Variants in CCDC171 observed in about 807,000 individuals in gnomAD.
CCDC171 encodes coiled-coil domain containing 171, also known as coiled-coil domain-containing protein 171.
Under a neutral mutation model 168.2 loss-of-function variants are expected in CCDC171, and 177 were observed. The ratio of observed to expected loss-of-function variants is 1.05; its 90% CI spans 0.93 to 1.19. The LOEUF is 1.19. Ranked by LOEUF, CCDC171 falls within the 50% of genes most tolerant of loss-of-function variation. CCDC171 has a pLI of 0.00. For missense variants in CCDC171, 1,991 were observed against 1,539.0 expected, an observed-to-expected ratio of 1.29 and a Z score of -4.91; for synonymous variants, 687 against 540.8, an observed-to-expected ratio of 1.27 and a Z score of -3.75.
chr9:15,582,355 T>C (rs1304244251), intron 4 of CCDC171, among the ~76,000 whole-genome samples: 1 of 152,190 alleles, frequency 6.6e-6, no homozygotes, highest in Non-Finnish European at 1.5e-5. Flanking sequence ...GTTAAACTGT[T>C]GTGGAAGACA....
At chr9:16,043,446 G>A (rs777332027) in intron 1 of CCDC171, among the ~76,000 whole-genome samples, 1 of 152,178 alleles carries the variant, frequency 6.6e-6, no homozygotes, top group Non-Finnish European at 1.5e-5. Flanking sequence ...TCTTGGGGAT[G>A]AGTACTGAAA....
chr9:15,636,612 G>A (rs996715215), intron 7 of CCDC171, among the ~76,000 whole-genome samples: 5 of 151,776 alleles, frequency 3.3e-5, no homozygotes, highest in Non-Finnish European at 7.4e-5. Context: ...AGCCAAACAT[G>A]GTGAAATGTG....
At chr9:15,700,878 A>G (rs2051676382) in intron 11 of CCDC171, among the ~76,000 whole-genome samples, 1 of 151,436 alleles carries the variant, frequency 6.6e-6, no homozygotes, top group Admixed American at 6.6e-5. Context: ...GTTCTCTTTT[A>G]TCCACATCTT....
chr9:15,660,569 G>C (rs1490648982), intron 8 of CCDC171, among the ~76,000 whole-genome samples: 1 of 152,144 alleles, frequency 6.6e-6, no homozygotes, highest in Non-Finnish European at 1.5e-5. Context: ...GAGAACATGT[G>C]GTATTTGGTT....
At chr9:15,825,485 A>G (rs986667704) in intron 21 of CCDC171, among the ~76,000 whole-genome samples, 3 of 152,178 alleles carry the variant, frequency 2.0e-5, no homozygotes, top group African/African-American at 7.2e-5. Context: ...TTACAAATAG[A>G]AAGTTAATTA....
intron 9 of CCDC171, among the ~76,000 whole-genome samples, chr9:15,674,015 C>T (rs1218221659): frequency 1.3e-5 from 2 of 152,082 alleles, no homozygotes; most frequent in African/African-American, 2.4e-5. Flanking sequence ...TAATTTTTGC[C>T]TCAATTTCAG....
chr9:15,581,914 A>T (rs969011402), intron 4 of CCDC171, among the ~76,000 whole-genome samples: 5 of 152,194 alleles, frequency 3.3e-5, no homozygotes, highest in Admixed American at 2.6e-4. Context: ...TGGCAACAAA[A>T]GCCAAAATAG....
rs563692499 is a variant in CCDC171 at position 15,727,926 on chromosome 9, A to T, written c.1750A>T (p.Ile584Leu). The T allele has an allele frequency of 6.2e-7, 1 of 1,613,450 alleles. No individual in the cohort carries two copies. Among genetic ancestry groups the T allele is most frequent in the African/African-American group, 1.3e-5 (1 of 74,944 alleles). The change falls in exon 15 of 26, where the codon ATA becomes TTA. Residue 584 changes from isoleucine (I) to leucine (L), a missense_variant. By Grantham distance (5) the Ile-to-Leu change is conservative. Transcript: ENST00000380701. Reference protein sequence around the residue: ...YQHLVAGCVLIKQPEGMLDKF... With the variant: ...YQHLVAGCVLLKQPEGMLDKF... ...GCACTTGGTAGCAGGCTGTGTGCTC[A>T]TAAAACAACCAGAAGGCATGCTGGA...
intron 7 of CCDC171, among the ~76,000 whole-genome samples, chr9:15,656,146 C>T (rs7875592): frequency 3.5e-3 from 526 of 152,044 alleles, no homozygotes; most frequent in African/African-American, 0.011. Flanking sequence ...GGTGAAATCC[C>T]GTCTCTACTA....
At chr9:16,033,201 T>C (rs1833395016) in intron 6 of CCDC171, among the ~76,000 whole-genome samples, 1 of 152,186 alleles carries the variant, frequency 6.6e-6, no homozygotes, top group Admixed American at 6.5e-5. Context: ...CTAGTACGTG[T>C]CTGATATTGC....
At chr9:15,869,211 G>T (rs2061922109) in intron 23 of CCDC171, among the ~76,000 whole-genome samples, 1 of 151,818 alleles carries the variant, frequency 6.6e-6, no homozygotes, top group Admixed American at 6.6e-5. Context: ...GGTACTAATT[G>T]TATTATTACT....
chr9:15,566,690 T>C (rs576237885), intron 2 of CCDC171, among the ~76,000 whole-genome samples: 2 of 152,370 alleles, frequency 1.3e-5, no homozygotes, highest in East Asian at 3.9e-4. Context: ...AAGTCCAGTT[T>C]ATCAGTTCTT....
intron 16 of CCDC171, among the ~76,000 whole-genome samples, chr9:15,737,778 G>C (rs1460299963): frequency 6.6e-6 from 1 of 152,166 alleles, no homozygotes; most frequent in Non-Finnish European, 1.5e-5. Flanking sequence ...TATGGGGCTT[G>C]AGAATGTGTG....
chr9:16,029,376 G>A (rs1314763743), intron 6 of CCDC171, among the ~76,000 whole-genome samples: 4 of 152,192 alleles, frequency 2.6e-5, no homozygotes, highest in African/African-American at 4.8e-5. Context: ...CGTTTTAAAG[G>A]ACTTGGGTCA....
At chr9:15,889,412 A>G (rs373732559) in intron 24 of CCDC171, among the ~76,000 whole-genome samples, 114 of 152,240 alleles carry the variant, frequency 7.5e-4, no homozygotes, top group African/African-American at 2.6e-3. Flanking sequence ...TTTTTTGCTT[A>G]TAGAGAAGCA....
chr9:15,576,510 T>C (rs1587083977), intron 3 of CCDC171, among the ~76,000 whole-genome samples: 1 of 152,134 alleles, frequency 6.6e-6, no homozygotes, highest in East Asian at 1.9e-4. Flanking sequence ...TTAAGTAATG[T>C]ACTTTGTGCC....
At chr9:16,086,261 C>T in the CCDC171 span, among the ~76,000 whole-genome samples, 2 of 151,502 alleles carry the variant, frequency 1.3e-5, no homozygotes, top group Admixed American at 6.6e-5. Context: ...ATAGTATTCT[C>T]TGATACTAGT....
intron 25 of CCDC171, among the ~76,000 whole-genome samples, chr9:15,925,906 A>G (rs780068226): frequency 5.4e-5 from 8 of 149,088 alleles, no homozygotes; most frequent in Non-Finnish European, 9.0e-5. Context: ...TCCTTATTGC[A>G]TAGACCATTT....
At chr9:15,865,166 AGTTTTTGCTGACATCTTTTTGGATTT>A (rs1186827526) in intron 23 of CCDC171, among the ~76,000 whole-genome samples, 1 of 152,082 alleles carries the variant, frequency 6.6e-6, no homozygotes, top group African/African-American at 2.4e-5. Flanking sequence ...AAGTCACAGG[AGTTTTTGCTGACATCTTTTTGGATTT>A]GCTTCTTCAG....
Sources: allele counts gnomAD v4.1 joint callset (sites outside exome capture counted in the v4.1 genomes callset), GRCh38; gene constraint gnomAD v4.1.1; transcripts MANE v1.5; gene names NCBI Gene and HGNC (gene_info 2026-07-23, HGNC 2026-07-21).